Variants in PCDHA4 observed in about 807,000 individuals in gnomAD.
PCDHA4 encodes the protein protocadherin alpha-4.
PCDHA4 carries 49 observed loss-of-function variants against 61.4 expected under a neutral mutation model. The ratio of observed to expected loss-of-function variants is 0.80; its 90% CI spans 0.63 to 1.01. The LOEUF (loss-of-function observed/expected upper bound fraction) is 1.01, where lower values mean the gene tolerates loss of function less well. PCDHA4 is among the 50% of genes least tolerant of loss of function. PCDHA4 has a pLI of 0.00. For synonymous variants in PCDHA4, 590 were observed against 550.3 expected (o/e 1.07, Z -1.01); for missense variants, 1,254 against 1,235.8 (o/e 1.01, Z -0.22).
chr5:140,929,484 T>C, intron 1 of PCDHA4: 1 of 1,156,262 alleles, frequency 8.6e-7, no homozygotes, highest in Non-Finnish European at 1.2e-6. Context: ...AGTATAGAAG[T>C]ATTAGAAGAT....
At chr5:140,869,924 A>G (rs2051503420) in intron 1 of PCDHA4, 3 of 1,611,514 alleles carry the variant, frequency 1.9e-6, no homozygotes, top group African/African-American at 1.3e-5. Flanking sequence ...GAAGGAGTCA[A>G]TGGAGAGGTA....
At chr5:140,857,839 C>A in intron 1 of PCDHA4, 1 of 1,597,776 alleles carries the variant, frequency 6.3e-7, no homozygotes, top group South Asian at 1.1e-5. Flanking sequence ...GCGCAGTGGA[C>A]GCTGACTCTG....
intron 1 of PCDHA4, among the ~76,000 whole-genome samples, chr5:140,879,820 T>C (rs917285977): frequency 6.6e-6 from 1 of 152,232 alleles, no homozygotes; most frequent in Non-Finnish European, 1.5e-5. Flanking sequence ...CTGTTGGTGT[T>C]CCCTGGCTTG....
chr5:140,943,321 G>A (rs1012061757), intron 1 of PCDHA4, among the ~76,000 whole-genome samples: 4 of 150,454 alleles, frequency 2.7e-5, no homozygotes, highest in Non-Finnish European at 5.9e-5. Context: ...TAGCAATATT[G>A]TGTAGTATCC....
At chr5:140,954,427 C>T (rs545024696) in intron 1 of PCDHA4, among the ~76,000 whole-genome samples, 1 of 152,200 alleles carries the variant, frequency 6.6e-6, no homozygotes, top group Admixed American at 6.5e-5. Context: ...CCTTTTTCTC[C>T]ATCTGTTGTT....
At chr5:140,854,380 A>G (rs2043104788) in intron 1 of PCDHA4, 1 of 155,922 alleles carries the variant, frequency 6.4e-6, no homozygotes, top group African/African-American at 2.4e-5. Context: ...TACATAACTC[A>G]TTACATTTTA....
chr5:140,990,783 G>A (rs932115900), intron 3 of PCDHA4, among the ~76,000 whole-genome samples: 5 of 152,170 alleles, frequency 3.3e-5, no homozygotes, highest in African/African-American at 7.2e-5. Flanking sequence ...TGTGTTGGAC[G>A]ATGAACCATG....
chr5:140,875,318 C>G, intron 1 of PCDHA4: 1 of 1,427,508 alleles, frequency 7.0e-7, no homozygotes, highest in South Asian at 1.6e-5. Flanking sequence ...ACATTCCAAT[C>G]ATTCACGGAA....
intron 1 of PCDHA4, among the ~76,000 whole-genome samples, chr5:140,893,124 CA>C (rs2063834148): frequency 2.0e-5 from 3 of 152,298 alleles, no homozygotes; most frequent in Admixed American, 1.3e-4. Flanking sequence ...ATATACACCA[CA>C]TTTTCTTTAT....
At chr5:140,904,206 C>T (rs2070944708) in intron 1 of PCDHA4, among the ~76,000 whole-genome samples, 1 of 151,882 alleles carries the variant, frequency 6.6e-6, no homozygotes, top group South Asian at 2.1e-4. Flanking sequence ...CCCCTAAGTC[C>T]CCAAAGTCCA....
chr5:140,810,054 G>C (rs1045544275), intron 1 of PCDHA4: 1 of 153,900 alleles, frequency 6.5e-6, no homozygotes, highest in Non-Finnish European at 1.4e-5. Flanking sequence ...TGTTTGTTCG[G>C]GGCCTGTTTT....
chr5:140,883,885 C>T (rs550197512), intron 1 of PCDHA4: 4 of 1,613,260 alleles, frequency 2.5e-6, no homozygotes, highest in East Asian at 4.5e-5. Context: ...GCGCGCGCGA[C>T]TCTGGCGTGC....
chr5:140,845,350 T>C (rs1779833131), intron 1 of PCDHA4, among the ~76,000 whole-genome samples: 1 of 149,732 alleles, frequency 6.7e-6, no homozygotes, highest in South Asian at 2.1e-4. Context: ...AAACATTTAA[T>C]TGACTTTTAC....
At chr5:140,876,724 G>C (rs140611870) in intron 1 of PCDHA4, 4 of 1,614,128 alleles carry the variant, frequency 2.5e-6, no homozygotes, top group Non-Finnish European at 2.5e-6. Context: ...CCGCGAGAGC[G>C]TGTCGGCCTA....
intron 1 of PCDHA4, chr5:140,841,491 C>G: frequency 6.2e-7 from 1 of 1,613,066 alleles, no homozygotes; most frequent in Non-Finnish European, 8.5e-7. Flanking sequence ...CTGGAGCTGG[C>G]GGAGCTGGTG....
At chr5:141,004,255 G>T (rs782648685) in intron 3 of PCDHA4, among the ~76,000 whole-genome samples, 2 of 152,190 alleles carry the variant, frequency 1.3e-5, no homozygotes, top group Non-Finnish European at 2.9e-5. Flanking sequence ...TTGTTTTACT[G>T]GAATGAGTCA....
intron 1 of PCDHA4, among the ~76,000 whole-genome samples, chr5:140,949,632 T>C (rs932981591): frequency 2.6e-5 from 4 of 151,894 alleles, no homozygotes; most frequent in Non-Finnish European, 5.9e-5. Flanking sequence ...TCATGGCATA[T>C]TGCTTTTTGT....
At chr5:140,885,328 A>G (rs2060562963) in intron 1 of PCDHA4, among the ~76,000 whole-genome samples, 1 of 152,114 alleles carries the variant, frequency 6.6e-6, no homozygotes, top group Non-Finnish European at 1.5e-5. Context: ...TTCTTTTCCA[A>G]AGTTTGAAGG....
chr5:140,808,715 G>A lies in PCDHA4; in HGVS notation c.1528G>A (p.Val510Met), dbSNP rs782371086. The change falls in exon 1 of 4, where the codon GTG becomes ATG. Residue 510 changes from valine (V) to methionine (M), a missense_variant. Physicochemically the swap from Val to Met is conservative, Grantham distance 21 (BLOSUM62 1). Coordinates refer to ENST00000530339, the MANE Select transcript of PCDHA4 (RefSeq NM_018907.4). ...GERALSSYVS[V>M]HAESGKVYAL... ...GCGCGCGCTGTCGAGCTACGTTTCG[G>A]TGCATGCGGAGAGCGGCAAGGTGTA... The A allele has an allele frequency of 6.2e-7, 1 of 1,612,116 alleles. No homozygotes were observed.
Sources: allele counts gnomAD v4.1 joint callset (sites outside exome capture counted in the v4.1 genomes callset), GRCh38; gene constraint gnomAD v4.1.1; transcripts MANE v1.5; gene names NCBI Gene and HGNC (gene_info 2026-07-23, HGNC 2026-07-21).